The following TRPC4AP variants were observed in gnomAD, a reference collection of about 807,000 sequenced individuals.
TRPC4AP encodes transient receptor potential cation channel subfamily C member 4 associated protein.
In TRPC4AP, 45 loss-of-function variants were observed where a neutral mutation model predicts 99.0. The observed-to-expected ratio is 0.45, with a 90% CI of 0.36 to 0.58. TRPC4AP has a LOEUF of 0.58. Ranked by LOEUF, TRPC4AP falls within the 20% of genes least tolerant of loss-of-function variation. The pLI, the probability that TRPC4AP is intolerant of heterozygous loss-of-function variation, is 0.00. For synonymous variants in TRPC4AP, 408 were observed against 385.8 expected (o/e 1.06, Z -0.67); for missense variants, 879 against 985.3 (o/e 0.89, Z 1.44).
chr20:35,008,625 A>G (rs2082563712), intron 13 of TRPC4AP, 39 bp downstream of exon 13: 1 of 1,576,708 alleles, frequency 6.3e-7, no homozygotes, highest in African/African-American at 1.4e-5. Flanking sequence ...CTGGCTCTGC[A>G]GCCCCGCAGA....
At chr20:35,084,171 G>T (rs189147897) in intron 1 of TRPC4AP, among the ~76,000 whole-genome samples, 5 of 151,036 alleles carry the variant, frequency 3.3e-5, no homozygotes, top group Admixed American at 3.3e-4. Flanking sequence ...ACTTGGTGGC[G>T]GGCACCTGTA....
intron 3 of TRPC4AP, among the ~76,000 whole-genome samples, chr20:35,067,347 T>C (rs2084171181): frequency 6.6e-6 from 1 of 152,178 alleles, no homozygotes; most frequent in South Asian, 2.1e-4. Context: ...TTTAAAACAC[T>C]TTCAAAATGA....
chr20:35,039,465 G>A (rs1404105695), intron 7 of TRPC4AP, among the ~76,000 whole-genome samples: 2 of 152,184 alleles, frequency 1.3e-5, no homozygotes, highest in Non-Finnish European at 2.9e-5. Flanking sequence ...TCCAGTCCTT[G>A]TAATTCTCAC....
intron 4 of TRPC4AP, among the ~76,000 whole-genome samples, chr20:35,055,642 G>C (rs988485002): frequency 5.9e-5 from 9 of 152,234 alleles, no homozygotes; most frequent in African/African-American, 2.2e-4. Context: ...CGAGTGGCTA[G>C]GACTGCATGC....
At chr20:35,085,558 G>GT (rs1202606864) in intron 1 of TRPC4AP, among the ~76,000 whole-genome samples, 5 of 146,782 alleles carry the variant, frequency 3.4e-5, no homozygotes, top group Non-Finnish European at 4.5e-5. Context: ...GGTTTCAGTA[G>GT]TTTTTTTTCA....
At chr20:35,060,335 C>T (rs968526279) in intron 3 of TRPC4AP, among the ~76,000 whole-genome samples, 1 of 151,982 alleles carries the variant, frequency 6.6e-6, no homozygotes, top group Non-Finnish European at 1.5e-5. Context: ...GCCTGTAATC[C>T]CAGCACTTTG....
At chr20:35,041,408 C>T (rs1302842614) in intron 7 of TRPC4AP, among the ~76,000 whole-genome samples, 9 of 152,092 alleles carry the variant, frequency 5.9e-5, no homozygotes, top group Admixed American at 5.9e-4. Context: ...AGATCCTGCA[C>T]AACCTCATGT....
chr20:35,003,338 C>T (rs894062589), intron 18 of TRPC4AP, 55 bp from the exon 19 acceptor site: 2 of 1,613,280 alleles, frequency 1.2e-6, no homozygotes, highest in African/African-American at 2.7e-5. Flanking sequence ...TCAAGCCCAG[C>T]ACCGGGACAC....
At chr20:35,008,855 A>T in intron 12 of TRPC4AP, 108 bp from the exon 13 acceptor site, 1 of 1,009,138 alleles carries the variant, frequency 9.9e-7, no homozygotes, top group Non-Finnish European at 1.5e-6. Context: ...GACATTTCCA[A>T]GTCTGCAGGA....
At chr20:35,026,347 T>C (rs1205772021) in intron 8 of TRPC4AP, among the ~76,000 whole-genome samples, 1 of 152,026 alleles carries the variant, frequency 6.6e-6, no homozygotes, top group Non-Finnish European at 1.5e-5. Flanking sequence ...CTTGAGTAGC[T>C]GGGACTATAG....
intron 4 of TRPC4AP, among the ~76,000 whole-genome samples, chr20:35,056,985 C>CAAAA (rs398035624): frequency 4.4e-5 from 4 of 90,274 alleles, no homozygotes; most frequent in Admixed American, 1.4e-4. Flanking sequence ...GAGACTGTCT[C>CAAAA]AAAAAAAAAA....
intron 8 of TRPC4AP, among the ~76,000 whole-genome samples, chr20:35,022,064 T>C (rs2082902761): frequency 6.6e-6 from 1 of 152,236 alleles, no homozygotes; most frequent in Admixed American, 6.5e-5. Flanking sequence ...CTTAGACTGC[T>C]CTGCAGCAGA....
At chr20:35,014,480 C>G (rs2082706860) in intron 10 of TRPC4AP, among the ~76,000 whole-genome samples, 1 of 151,990 alleles carries the variant, frequency 6.6e-6, no homozygotes, top group Non-Finnish European at 1.5e-5. Context: ...ACCCTGAGGT[C>G]TGAAGACCCA....
chr20:35,063,060 G>A (rs185053796), intron 3 of TRPC4AP, among the ~76,000 whole-genome samples: 1 of 152,356 alleles, frequency 6.6e-6, no homozygotes, highest in Admixed American at 6.5e-5. Flanking sequence ...ACCAGGTGGA[G>A]GTGACTGGAT....
chr20:35,012,158 T>G (rs909310950), intron 11 of TRPC4AP, among the ~76,000 whole-genome samples: 3 of 152,232 alleles, frequency 2.0e-5, no homozygotes, highest in African/African-American at 7.2e-5. Flanking sequence ...CCTGGAGCCC[T>G]TCTATGGCTT....
chr20:35,048,698 AGGAATGAGAG>A, intron 6 of TRPC4AP, among the ~76,000 whole-genome samples: 1 of 152,308 alleles, frequency 6.6e-6, no homozygotes, highest in East Asian at 1.9e-4. Flanking sequence ...GTACACAAAA[AGGAATGAGAG>A]GGAGTGAGAG....
intron 1 of TRPC4AP, among the ~76,000 whole-genome samples, chr20:35,089,707 G>C (rs2084989538): frequency 6.6e-6 from 1 of 152,110 alleles, no homozygotes; most frequent in South Asian, 2.1e-4. Context: ...AAAGTAGCCA[G>C]GTGTGGTGGC....
intron 10 of TRPC4AP, 45 bp from the exon 11 acceptor site, chr20:35,013,111 G>C (rs781511521): frequency 1.6e-5 from 26 of 1,601,420 alleles, no homozygotes; most frequent in Non-Finnish European, 2.1e-5. Flanking sequence ...CAGCCACAAG[G>C]TTCCAAAATA....
At chr20:35,083,034 A>C (rs952098416) in intron 1 of TRPC4AP, among the ~76,000 whole-genome samples, 7 of 152,204 alleles carry the variant, frequency 4.6e-5, no homozygotes, top group Admixed American at 2.0e-4. Context: ...GATATATAGA[A>C]GACATAAGAT....
Sources: allele counts gnomAD v4.1 joint callset (sites outside exome capture counted in the v4.1 genomes callset), GRCh38; gene constraint gnomAD v4.1.1; transcripts MANE v1.5; gene names NCBI Gene and HGNC (gene_info 2026-07-23, HGNC 2026-07-21).